Variants in MOXD1 observed in about 807,000 individuals in gnomAD.
MOXD1 encodes the protein DBH-like monooxygenase protein 1.
A neutral mutation model predicts 66.6 loss-of-function variants in MOXD1; 62 were observed. The ratio of observed to expected loss-of-function variants is 0.93; its 90% CI spans 0.76 to 1.15. The LOEUF (loss-of-function observed/expected upper bound fraction) is 1.15, where lower values mean the gene tolerates loss of function less well. Ranked by LOEUF, MOXD1 falls within the 50% of genes most tolerant of loss-of-function variation. The probability of loss-of-function intolerance (pLI) is 0.00; values close to 1 mark genes in which losing one functional copy is unlikely to be tolerated. For missense variants in MOXD1, 847 were observed against 754.6 expected, an observed-to-expected ratio of 1.12 and a Z score of -1.44; for synonymous variants, 303 against 281.9, an observed-to-expected ratio of 1.07 and a Z score of -0.75.
At chr6:132,305,681 G>A (rs548937047) in intron 10 of MOXD1, among the ~76,000 whole-genome samples, 1 of 152,282 alleles carries the variant, frequency 6.6e-6, no homozygotes, top group South Asian at 2.1e-4. Flanking sequence ...CTAGCCTCCT[G>A]GAGTGTCATC....
At chr6:132,397,636 C>CAGAAAGAGAAAGAA (rs1776918184) in intron 1 of MOXD1, among the ~76,000 whole-genome samples, 1 of 122,312 alleles carries the variant, frequency 8.2e-6, no homozygotes, top group African/African-American at 3.2e-5. Context: ...GAGAGAGAGA[C>CAGAAAGAGAAAGAA]AGAAAGAAAG....
intron 4 of MOXD1, among the ~76,000 whole-genome samples, chr6:132,364,000 G>GA (rs1776067368): frequency 6.6e-6 from 1 of 151,804 alleles, no homozygotes; most frequent in South Asian, 2.1e-4. Context: ...TGTACTACCT[G>GA]AAAAAGATAT....
At chr6:132,344,932 T>G (rs1451733255) in intron 4 of MOXD1, among the ~76,000 whole-genome samples, 1 of 152,158 alleles carries the variant, frequency 6.6e-6, no homozygotes, top group Non-Finnish European at 1.5e-5. Flanking sequence ...TCATTCTTCT[T>G]GGACATGGGA....
chr6:132,300,914 A>T (rs1774519376), intron 10 of MOXD1, among the ~76,000 whole-genome samples: 1 of 152,138 alleles, frequency 6.6e-6, no homozygotes, highest in African/African-American at 2.4e-5. Context: ...ACTAATAAAC[A>T]TCCTACTTGT....
chr6:132,379,597 T>C (rs1370758394), intron 1 of MOXD1, among the ~76,000 whole-genome samples: 3 of 152,236 alleles, frequency 2.0e-5, no homozygotes, highest in Non-Finnish European at 4.4e-5. Flanking sequence ...AAATTATATT[T>C]CTGTCTTCAT....
intron 4 of MOXD1, among the ~76,000 whole-genome samples, chr6:132,336,420 A>G (rs1226815551): frequency 1.3e-5 from 2 of 152,202 alleles, no homozygotes; most frequent in Non-Finnish European, 2.9e-5. Context: ...GCATATGATC[A>G]TGCTGACATG....
At chr6:132,399,159 T>G (rs1262392208) in intron 1 of MOXD1, among the ~76,000 whole-genome samples, 1 of 152,168 alleles carries the variant, frequency 6.6e-6, no homozygotes, top group Admixed American at 6.5e-5. Flanking sequence ...ATTAAACAGA[T>G]TTTAAGTTAA....
intron 4 of MOXD1, among the ~76,000 whole-genome samples, chr6:132,353,615 C>T (rs552975760): frequency 6.6e-6 from 1 of 152,248 alleles, no homozygotes; most frequent in South Asian, 2.1e-4. Context: ...ATCTTAACTT[C>T]ATCATAACCT....
intron 7 of MOXD1, among the ~76,000 whole-genome samples, chr6:132,323,402 C>A (rs1398141689): frequency 2.6e-5 from 4 of 152,084 alleles, no homozygotes; most frequent in Non-Finnish European, 5.9e-5. Context: ...ACCACAATAT[C>A]ATATAATTCA....
intron 4 of MOXD1, among the ~76,000 whole-genome samples, chr6:132,344,172 A>G (rs1203586074): frequency 6.6e-6 from 1 of 152,226 alleles, no homozygotes; most frequent in Admixed American, 6.5e-5. Context: ...ACAATCTTTT[A>G]TATTTGAGTT....
chr6:132,378,327 CAAAT>C (rs1021550661), intron 1 of MOXD1, among the ~76,000 whole-genome samples: 1 of 152,016 alleles, frequency 6.6e-6, no homozygotes, highest in African/African-American at 2.4e-5. Context: ...CCTCCCAAAA[CAAAT>C]AGTCTAAACC....
chr6:132,315,496 G>T, intron 10 of MOXD1, 139 bp downstream of exon 10: 1 of 997,512 alleles, frequency 1.0e-6, no homozygotes, highest in Non-Finnish European at 1.5e-6. Flanking sequence ...AGGTTACTTG[G>T]TCTCCCCAGT....
intron 1 of MOXD1, among the ~76,000 whole-genome samples, chr6:132,378,900 T>G (rs1197438678): frequency 5.0e-5 from 6 of 119,524 alleles, no homozygotes; most frequent in African/African-American, 1.9e-4. Context: ...TTTTTTTTTT[T>G]TTTTTTTTTT....
chr6:132,352,179 G>A (rs2114627728), intron 4 of MOXD1, among the ~76,000 whole-genome samples: 1 of 152,056 alleles, frequency 6.6e-6, no homozygotes, highest in South Asian at 2.1e-4. Flanking sequence ...CTGGGTTTCG[G>A]TTTAGTTTGT....
chr6:132,296,610 AG>A lies in MOXD1; in HGVS notation c.*542del. On this transcript the variant is annotated 3_prime_UTR_variant, in exon 12 of 12. Coordinates refer to ENST00000367963, the MANE Select transcript of MOXD1 (RefSeq NM_015529.4). ...GGAACCAGAGTGGGCATCAACAAAAAGCATTGAGGTAAGGGGCCCAGTGGTA... is the reference window on the plus strand; with the variant it reads ...GGAACCAGAGTGGGCATCAACAAAAACATTGAGGTAAGGGGCCCAGTGGTA... 6.6e-6 allele frequency: 1 copy of A among 152,406 alleles called. No homozygotes were observed. The highest frequency in any genetic ancestry group is 2.1e-4 in the South Asian group (1 of 4,834). The allele number at this position is 152,406 out of a possible 1,614,324, so 9.4% of individuals were successfully genotyped here.
In MOXD1 at chr6:132,303,704, T is replaced by TACAC. The variant is rs772482923; in HGVS notation, c.1509-5750_1509-5749insGTGT. ...CTGGGAAAGCAGAGGGCTGACTGTATACATACACACACACACACACACACA... is the reference window on the plus strand; with the variant it reads ...CTGGGAAAGCAGAGGGCTGACTGTATACACACATACACACACACACACACACACA... On this transcript the variant is annotated intron_variant, in intron 10 of 11. Coordinates refer to ENST00000367963, the MANE Select transcript of MOXD1 (RefSeq NM_015529.4). Among the ~76,000 whole-genome samples, 136 of 134,756 alleles carry TACAC rather than the reference T, an allele frequency of 1.0e-3. 2 individuals carry two copies. The highest frequency in any genetic ancestry group is 3.6e-3 in the African/African-American group (121 of 33,176). 88.4% of individuals were successfully genotyped at this position (134,756 alleles called of 152,430 possible).
intron 4 of MOXD1, among the ~76,000 whole-genome samples, chr6:132,334,797 G>GA (rs1427994662): frequency 1.3e-5 from 2 of 152,088 alleles, no homozygotes. Flanking sequence ...CAATATGATT[G>GA]AAAAAATCTT....
chr6:132,379,463 G>A (rs1160886286), intron 1 of MOXD1, among the ~76,000 whole-genome samples: 1 of 152,108 alleles, frequency 6.6e-6, no homozygotes, highest in African/African-American at 2.4e-5. Context: ...AACAAAGCAA[G>A]GCACATTCTC....
chr6:132,314,326 C>T (rs1293831093), intron 10 of MOXD1, among the ~76,000 whole-genome samples: 5 of 152,204 alleles, frequency 3.3e-5, no homozygotes, highest in Non-Finnish European at 7.3e-5. Flanking sequence ...GCACAAGTGA[C>T]CTTCATCCCT....
Sources: gnomAD v4.1 joint callset for allele counts (sites outside exome capture counted in the v4.1 genomes callset) on GRCh38, gnomAD v4.1.1 for gene constraint, MANE v1.5 for transcripts, NCBI Gene and HGNC (gene_info 2026-07-23, HGNC 2026-07-21) for gene names.